GPR37: variants seen among roughly 807,000 people sequenced by gnomAD.
The protein encoded by GPR37 is G protein-coupled receptor 37.
A neutral mutation model predicts 43.6 loss-of-function variants in GPR37; 20 were observed. The ratio of observed to expected loss-of-function variants is 0.46; its 90% CI spans 0.32 to 0.67. GPR37 has a LOEUF of 0.67. Among genes scored for constraint, GPR37 ranks in the 30% least tolerant of loss-of-function variants. The pLI is 0.03. For missense variants in GPR37, 724 were observed against 797.2 expected, an observed-to-expected ratio of 0.91 and a Z score of 1.11; for synonymous variants, 315 against 322.6, an observed-to-expected ratio of 0.98 and a Z score of 0.25.
At chr7:124,748,107 G>C (rs186703707) in intron 1 of GPR37, among the ~76,000 whole-genome samples, 283 of 152,222 alleles carry the variant, frequency 1.9e-3, no homozygotes, top group Non-Finnish European at 2.6e-3. Context: ...ACAGGAAACA[G>C]AGCTGGGGCC....
rs1279202889 is a variant in GPR37 at position 124,764,595 on chromosome 7, G to T, written c.382C>A (p.Gln128Lys). Residue 128 changes from glutamine (Q) to lysine (K), a missense_variant, in exon 1 of 2, where the codon CAG becomes AAG. By Grantham distance (53) the Gln-to-Lys change is moderately conservative. Around this residue, in one of 2 missense-constraint regions of GPR37, gnomAD observed 382 missense variants for 355.4 expected, o/e 1.07. Transcript: ENST00000303921. The surrounding 1 kb of genome is among the most constrained non-coding windows in gnomAD (Gnocchi z 5.4). ...GPWRWKGARGQEPSETLGRGN... is the reference protein window; with the variant it reads ...GPWRWKGARGKEPSETLGRGN... ...CTCCCCAAAGTTTCAGAAGGCTCCT[G>T]ACCCCGAGCACCTTTCCACCTCCAG... 6.2e-7 allele frequency: 1 copy of T among 1,607,120 alleles called. No individual in the cohort carries two copies. Among genetic ancestry groups the T allele is most frequent in the Admixed American group, 1.7e-5 (1 of 59,542 alleles).
chr7:124,764,476 C>T lies in GPR37; in HGVS notation c.501G>A (p.Glu167=), dbSNP rs781236623. The change falls in exon 1 of 2, where the codon GAG becomes GAA. Residue 167 remains glutamate, a synonymous_variant. Transcript: ENST00000303921. This position sits in a 1 kb window ranked among gnomAD's most constrained non-coding sequence, Gnocchi z 5.4. ...CTCCGGGGACTGTCTTCACACTCTG[C>T]TCCTGGCTACGCCCGGAAATGCCAG... The part of the protein sequence containing the change: ...RGAGISGRSQ[E]QSVKTVPGAS... 6.2e-7 allele frequency: 1 copy of T among 1,613,690 alleles called. No homozygotes were observed. The highest frequency in any genetic ancestry group is 8.5e-7 in the Non-Finnish European group (1 of 1,180,038).
Position 124,758,951 on chromosome 7 carries a change from C to T in GPR37, c.1023+5003G>A, listed in dbSNP as rs368267100. Among the ~76,000 whole-genome samples the T allele has an allele frequency of 7.9e-5, 12 of 152,258 alleles. No individual in the cohort carries two copies. In the East Asian group the frequency reaches 9.7e-4, roughly 12 times the overall value. On this transcript the variant is annotated intron_variant, in intron 1 of 1. Coordinates refer to ENST00000303921, the MANE Select transcript of GPR37 (RefSeq NM_005302.5). Reference sequence around the variant, plus strand: ...TCAAAACCTCCAATTAATGTCCAAACAGACCTTAATCTGTTATCTGGGATC... The same window carrying T: ...TCAAAACCTCCAATTAATGTCCAAATAGACCTTAATCTGTTATCTGGGATC...
At chr7:124,757,787 T>C (rs1370326598) in intron 1 of GPR37, among the ~76,000 whole-genome samples, 1 of 119,688 alleles carries the variant, frequency 8.4e-6, no homozygotes, top group African/African-American at 3.8e-5. Flanking sequence ...GATATTCATC[T>C]TTGGAAACTT....
In GPR37 at chr7:124,754,679, A is replaced by G. The variant is rs949573780; in HGVS notation, c.1024-7336T>C. On this transcript the variant is annotated intron_variant, in intron 1 of 1. Coordinates refer to ENST00000303921, the MANE Select transcript of GPR37 (RefSeq NM_005302.5). ...TTTTACATAAAAAATCTTTAAGTAC[A>G]TCTATTTATGTGCTGTCCTTTGTTT... Among the ~76,000 whole-genome samples the G allele has an allele frequency of 8.5e-5, 13 of 152,162 alleles. No individual in the cohort carries two copies. The South Asian group carries it at 1.7e-3, about 19-fold the overall frequency.
intron 1 of GPR37, among the ~76,000 whole-genome samples, chr7:124,757,074 G>A (rs1297663834): frequency 6.6e-6 from 1 of 152,176 alleles, no homozygotes; most frequent in East Asian, 1.9e-4. Flanking sequence ...ATGTGCTTGA[G>A]AGATTAATCC....
intron 1 of GPR37, among the ~76,000 whole-genome samples, chr7:124,758,674 C>T (rs911109281): frequency 6.6e-6 from 1 of 152,158 alleles, no homozygotes; most frequent in African/African-American, 2.4e-5. Context: ...ACCAGTATTG[C>T]TAAAGTCATT....
intron 1 of GPR37, among the ~76,000 whole-genome samples, chr7:124,757,963 T>C (rs1793809780): frequency 6.6e-6 from 1 of 152,224 alleles, no homozygotes; most frequent in African/African-American, 2.4e-5. Flanking sequence ...CAAATTGTTC[T>C]TTAATCAGTT....
intron 1 of GPR37, among the ~76,000 whole-genome samples, chr7:124,748,359 C>A (rs924874225): frequency 2.0e-5 from 3 of 152,022 alleles, no homozygotes; most frequent in Admixed American, 2.0e-4. Flanking sequence ...GCTCAGAAAA[C>A]CCAAAATACA....
Position 124,746,584 on chromosome 7 carries a change from G to C in GPR37, c.1783C>G (p.Pro595Ala). Residue 595 changes from proline to alanine, a missense_variant, in exon 2 of 2, where the codon CCT becomes GCT. Coordinates refer to ENST00000303921, the MANE Select transcript of GPR37 (RefSeq NM_005302.5). ...ATTTCACGGCGTATGGTACTGAAAG[G>C]CGAGAGTTCGAGTTCCGTGGTGTAC... ...NEYTTELELS[P>A]FSTIRREMST... 1 of 1,613,744 alleles carries C rather than the reference G, an allele frequency of 6.2e-7. No homozygotes were observed. Among genetic ancestry groups the C allele is most frequent in the Non-Finnish European group, 8.5e-7 (1 of 1,179,774 alleles).
At position 124,765,722 on chromosome 7, in the gene GPR37, G is replaced by A. The variant is rs1793914559; in HGVS notation, c.-746C>T. 6.6e-6 allele frequency: 1 copy of A among 152,480 alleles called. No homozygotes were observed. The highest frequency in any genetic ancestry group is 1.5e-5 in the Non-Finnish European group (1 of 68,240). 9.4% of individuals were successfully genotyped at this position (152,480 alleles called of 1,614,324 possible). A position where few individuals can be genotyped will look rare whatever the true frequency, so the allele number is the denominator to read the frequency against. On this transcript the variant is annotated 5_prime_UTR_variant, in exon 1 of 2. It adds an upstream start codon to the 5' untranslated region. Transcript: ENST00000303921. ...GCGTGCCGCCGCAGAGAAGGAAATC[G>A]TGGGGAGAAGGGGGAGAAGAGGGCG...
In GPR37 at chr7:124,747,976, A is replaced by G. The variant is rs553904455; in HGVS notation, c.1024-633T>C. ...ATCAAAAAGGAAACAAATTTCAAACAGGCCAGAGACCCCTCCCTCTTCATG... is the reference window on the plus strand; with the variant it reads ...ATCAAAAAGGAAACAAATTTCAAACGGGCCAGAGACCCCTCCCTCTTCATG... On this transcript the variant is annotated intron_variant, in intron 1 of 1. Coordinates refer to ENST00000303921, the MANE Select transcript of GPR37 (RefSeq NM_005302.5). 1.4e-4 allele frequency among the ~76,000 whole-genome samples: 21 copies of G among 152,328 alleles called. 1 individual carries two copies. The South Asian group carries it at 4.1e-3, about 30-fold the overall frequency.
intron 1 of GPR37, among the ~76,000 whole-genome samples, chr7:124,748,281 A>C (rs571969748): frequency 6.6e-6 from 1 of 152,040 alleles, no homozygotes; most frequent in South Asian, 2.1e-4. Context: ...GAGGGAAAAA[A>C]ATGGCAAATT....
chr7:124,761,154 C>CAAAAAAAAAAAAAAAAAAAAAAAAAAAAA (rs60967099), intron 1 of GPR37, among the ~76,000 whole-genome samples: 1 of 77,458 alleles, frequency 1.3e-5, no homozygotes, highest in African/African-American at 5.3e-5. Context: ...GACTCCGTCT[C>CAAAAAAAAAAAAAAAAAAAAAAAAAAAAA]AAAAAAAAAA....
chr7:124,760,650 C>T (rs961523541), intron 1 of GPR37, among the ~76,000 whole-genome samples: 6 of 151,804 alleles, frequency 4.0e-5, no homozygotes, highest in African/African-American at 9.7e-5. Flanking sequence ...TGCCAAGGAG[C>T]GGAAAGGAAA....
chr7:124,763,472 G>A (rs1436858586), intron 1 of GPR37, among the ~76,000 whole-genome samples: 2 of 151,734 alleles, frequency 1.3e-5, no homozygotes, highest in African/African-American at 4.8e-5. Context: ...TCAATAAAAT[G>A]TTACTCCAAC....
chr7:124,749,334 A>C (rs1449824428), intron 1 of GPR37, among the ~76,000 whole-genome samples: 1 of 152,084 alleles, frequency 6.6e-6, no homozygotes, highest in African/African-American at 2.4e-5. Context: ...AGACAACTTG[A>C]ATATAAGCTT....
chr7:124,748,179 T>A (rs1312103896), intron 1 of GPR37, among the ~76,000 whole-genome samples: 3 of 151,914 alleles, frequency 2.0e-5, no homozygotes. Flanking sequence ...AATGCTGACA[T>A]CTTTAGAGGT....
chr7:124,751,525 C>T (rs1419299152), intron 1 of GPR37, among the ~76,000 whole-genome samples: 4 of 151,848 alleles, frequency 2.6e-5, no homozygotes, highest in Non-Finnish European at 5.9e-5. Context: ...TTCTTCTTAC[C>T]CAAACATGAA....
Sources: allele counts gnomAD v4.1 joint callset (sites outside exome capture counted in the v4.1 genomes callset), GRCh38; gene constraint gnomAD v4.1.1; regional missense constraint gnomAD v4.1.1; non-coding constraint Gnocchi (gnomAD v3.1); transcripts MANE v1.5; gene names NCBI Gene and HGNC (gene_info 2026-07-23, HGNC 2026-07-21).